Variants in SGCD observed in about 807,000 individuals in gnomAD.
SGCD encodes the protein delta-sarcoglycan.
A neutral mutation model predicts 36.6 loss-of-function variants in SGCD; 18 were observed. That is an observed-to-expected ratio of 0.49 (90% confidence interval 0.34 to 0.73). SGCD has a LOEUF of 0.73. Ranked by LOEUF, SGCD falls within the 30% of genes least tolerant of loss-of-function variation. The probability of loss-of-function intolerance (pLI) is 0.01; values close to 1 mark genes in which losing one functional copy is unlikely to be tolerated. For missense variants in SGCD, 387 were observed against 346.7 expected, an observed-to-expected ratio of 1.12 and a Z score of -0.92; for synonymous variants, 133 against 130.6, an observed-to-expected ratio of 1.02 and a Z score of -0.12.
chr5:156,389,059 C>G (rs1182806418), intron 3 of SGCD, among the ~76,000 whole-genome samples: 1 of 152,188 alleles, frequency 6.6e-6, no homozygotes, highest in Non-Finnish European at 1.5e-5. Flanking sequence ...CCTCCCATCA[C>G]ACTCCCACAA....
chr5:156,097,831 T>C (rs1450754430), intron 1 of SGCD, among the ~76,000 whole-genome samples: 1 of 152,244 alleles, frequency 6.6e-6, no homozygotes, highest in Non-Finnish European at 1.5e-5. Context: ...CTCTGGGTCC[T>C]GTTTAAATCT....
At chr5:156,142,088 A>G (rs1183328352) in intron 3 of SGCD, among the ~76,000 whole-genome samples, 13 of 152,102 alleles carry the variant, frequency 8.5e-5, no homozygotes, top group African/African-American at 2.7e-4. Context: ...TCACCTTGGT[A>G]TTGTTATCAT....
the SGCD span, among the ~76,000 whole-genome samples, chr5:155,836,878 C>A: frequency 6.6e-6 from 1 of 152,140 alleles, no homozygotes; most frequent in African/African-American, 2.4e-5. Flanking sequence ...AGTGTGACAT[C>A]TTTATCTTAA....
intron 3 of SGCD, among the ~76,000 whole-genome samples, chr5:156,224,056 A>G (rs1005622431): frequency 2.0e-5 from 3 of 151,864 alleles, no homozygotes; most frequent in African/African-American, 7.3e-5. Flanking sequence ...AATGGCTCTC[A>G]TTTATTGATT....
chr5:155,969,212 G>T (rs902441263), intron 1 of SGCD, among the ~76,000 whole-genome samples: 2 of 151,968 alleles, frequency 1.3e-5, no homozygotes, highest in African/African-American at 2.4e-5. Context: ...TGGAACTTGT[G>T]GACTGGTCAT....
intron 7 of SGCD, among the ~76,000 whole-genome samples, chr5:156,736,474 C>T (rs1480370273): frequency 6.8e-6 from 1 of 146,758 alleles, no homozygotes; most frequent in African/African-American, 2.8e-5. Flanking sequence ...TGAAGCTGAA[C>T]AGAAGAGATT....
intron 3 of SGCD, among the ~76,000 whole-genome samples, chr5:156,383,447 T>C (rs1480429801): frequency 6.6e-6 from 1 of 151,798 alleles, no homozygotes; most frequent in Non-Finnish European, 1.5e-5. Flanking sequence ...GAGGTTACAG[T>C]GGGCCAAGAT....
chr5:155,729,325 C>T, the SGCD span, among the ~76,000 whole-genome samples: 1 of 152,172 alleles, frequency 6.6e-6, no homozygotes, highest in South Asian at 2.1e-4. Context: ...GCCGCCTGGG[C>T]GCGCTAAGAG....
At chr5:156,412,988 G>A (rs912918295) in intron 3 of SGCD, among the ~76,000 whole-genome samples, 11 of 151,258 alleles carry the variant, frequency 7.3e-5, no homozygotes, top group Admixed American at 5.3e-4. Flanking sequence ...TAGTAGAGAC[G>A]GGGTTTCACC....
intron 4 of SGCD, among the ~76,000 whole-genome samples, chr5:156,582,466 C>T (rs1760309842): frequency 6.6e-6 from 1 of 152,166 alleles, no homozygotes; most frequent in Non-Finnish European, 1.5e-5. Flanking sequence ...CCTCTTTACA[C>T]ACCCAAAAGC....
At chr5:156,537,617 A>G (rs1184553431) in intron 4 of SGCD, among the ~76,000 whole-genome samples, 1 of 151,838 alleles carries the variant, frequency 6.6e-6, no homozygotes, top group African/African-American at 2.4e-5. Flanking sequence ...TTCATATTTT[A>G]TCTGGTGCCT....
intron 1 of SGCD, among the ~76,000 whole-genome samples, chr5:155,894,409 T>C (rs1756202652): frequency 6.6e-6 from 1 of 152,176 alleles, no homozygotes; most frequent in Non-Finnish European, 1.5e-5. Flanking sequence ...GGAATTTGTA[T>C]GTCACACGAG....
intron 1 of SGCD, among the ~76,000 whole-genome samples, chr5:156,113,194 C>T (rs1761831414): frequency 6.6e-6 from 1 of 152,142 alleles, no homozygotes; most frequent in Non-Finnish European, 1.5e-5. Flanking sequence ...TAGGGGAGGA[C>T]TTTGCCTGAA....
chr5:156,642,461 CTTTTTTTTT>C (rs58501471), intron 6 of SGCD, among the ~76,000 whole-genome samples: 8 of 80,046 alleles, frequency 1.0e-4, no homozygotes, highest in African/African-American at 4.6e-4. Context: ...CAGCATCAGT[CTTTTTTTTT>C]TTTTTTTTTT....
intron 3 of SGCD, among the ~76,000 whole-genome samples, chr5:156,351,734 C>T (rs10037772): frequency 0.72 from 109,017 of 151,882 alleles, 39,933 homozygotes; most frequent in East Asian, 0.92. Context: ...TCCAGGCTGC[C>T]ACTATTTGGA....
At chr5:155,903,580 G>C (rs1201503845) in intron 1 of SGCD, among the ~76,000 whole-genome samples, 3 of 152,104 alleles carry the variant, frequency 2.0e-5, no homozygotes, top group Non-Finnish European at 4.4e-5. Flanking sequence ...GGGGGACAAT[G>C]ATTGTGGAAG....
chr5:156,691,021 A>C (rs1173846211), intron 7 of SGCD, among the ~76,000 whole-genome samples: 1 of 151,950 alleles, frequency 6.6e-6, no homozygotes, highest in African/African-American at 2.4e-5. Flanking sequence ...AACCTGGCCA[A>C]CATGGTGAAA....
the SGCD span, among the ~76,000 whole-genome samples, chr5:155,742,973 AAG>A: frequency 6.6e-6 from 1 of 152,198 alleles, no homozygotes; most frequent in Non-Finnish European, 1.5e-5. Context: ...AGCCAGATGT[AAG>A]AGATACATAG....
In SGCD at chr5:156,761,234, A is replaced by G. The variant is rs555195076; in HGVS notation, c.*1844A>G. ...CAAGCTGTGTGTTGCTTAGTCACTT[A>G]CTTAGAAGTAGATGGTGGGGGACAG... On this transcript the variant is annotated 3_prime_UTR_variant, in exon 9 of 9. Coordinates refer to ENST00000337851, the MANE Select transcript of SGCD (RefSeq NM_000337.6). 1.3e-5 allele frequency: 2 copies of G among 152,260 alleles called. No homozygotes were observed. Among genetic ancestry groups the G allele is most frequent in the East Asian group, 1.9e-4 (1 of 5,184 alleles). The allele number at this position is 152,260 out of a possible 1,614,324, so 9.4% of individuals were successfully genotyped here.
Sources: gnomAD v4.1 joint callset for allele counts (sites outside exome capture counted in the v4.1 genomes callset) on GRCh38, gnomAD v4.1.1 for gene constraint, MANE v1.5 for transcripts, NCBI Gene and HGNC (gene_info 2026-07-23, HGNC 2026-07-21) for gene names.